Variants in NRXN3 observed in about 807,000 individuals in gnomAD.
The protein encoded by NRXN3 is neurexin III.
Under a neutral mutation model 137.6 loss-of-function variants are expected in NRXN3, and 32 were observed. The ratio of observed to expected loss-of-function variants is 0.23; its 90% CI spans 0.18 to 0.31. NRXN3 has a LOEUF of 0.31. Among genes scored for constraint, NRXN3 ranks in the 10% least tolerant of loss-of-function variants. The probability of loss-of-function intolerance (pLI) is 1.00; values close to 1 mark genes in which losing one functional copy is unlikely to be tolerated. For synonymous variants in NRXN3, 798 were observed against 784.5 expected, an observed-to-expected ratio of 1.02 and a Z score of -0.29; for missense variants, 1,574 against 2,062.5, an observed-to-expected ratio of 0.76 and a Z score of 4.59.
chr14:79,096,845 A>G (rs554611383), intron 15 of NRXN3, among the ~76,000 whole-genome samples: 127 of 152,158 alleles, frequency 8.3e-4, no homozygotes, highest in African/African-American at 3.0e-3. Context: ...TTTTCCAGGT[A>G]TTCTTGATCT....
intron 15 of NRXN3, among the ~76,000 whole-genome samples, chr14:79,205,650 A>G (rs1443592907): frequency 6.6e-6 from 1 of 152,216 alleles, no homozygotes; most frequent in Non-Finnish European, 1.5e-5. Flanking sequence ...GCATAATGGT[A>G]TGGAAATTAT....
chr14:79,297,507 T>C (rs1403542462), intron 15 of NRXN3, among the ~76,000 whole-genome samples: 1 of 152,188 alleles, frequency 6.6e-6, no homozygotes, highest in Non-Finnish European at 1.5e-5. Context: ...GTTTTTTTCT[T>C]CTAGCATAAT....
At chr14:78,827,515 A>G (rs2098970315) in intron 10 of NRXN3, among the ~76,000 whole-genome samples, 1 of 152,232 alleles carries the variant, frequency 6.6e-6, no homozygotes, top group Admixed American at 6.5e-5. Context: ...TCTGCAGAAT[A>G]TTTTGAACGG....
chr14:78,609,885 A>G (rs2097285042), intron 4 of NRXN3, among the ~76,000 whole-genome samples: 1 of 152,168 alleles, frequency 6.6e-6, no homozygotes, highest in East Asian at 1.9e-4. Flanking sequence ...CACAATTTTC[A>G]GGGATCTTGG....
intron 4 of NRXN3, among the ~76,000 whole-genome samples, chr14:78,604,439 A>C (rs181639563): frequency 1.2e-4 from 18 of 152,302 alleles, no homozygotes; most frequent in Non-Finnish European, 2.1e-4. Flanking sequence ...AGAGAGTGAA[A>C]AAAGAACCTC....
rs79745358 is a variant in NRXN3, at chr14:78,564,802, T to C, written c.758-80318T>C. Among the ~76,000 whole-genome samples the C allele has an allele frequency of 4.9e-3, 740 of 152,266 alleles. 20 individuals carry two copies. The East Asian group carries it at 0.093, about 19-fold the overall frequency. ...CAGGCCTACCACAGTACTTGACATA[T>C]GGTGGGGGTCTCAGTCAGTATTCTC... is the stretch of plus-strand genomic sequence containing the variant. On this transcript the variant is annotated intron_variant, in intron 4 of 20. Coordinates refer to ENST00000335750, the MANE Select transcript of NRXN3 (RefSeq NM_001330195.2).
chr14:79,278,744 C>T (rs1203645330), intron 15 of NRXN3, among the ~76,000 whole-genome samples: 1 of 152,202 alleles, frequency 6.6e-6, no homozygotes, highest in Non-Finnish European at 1.5e-5. Context: ...AGCCCTTCAC[C>T]CTTTGGAGTC....
rs1252501895 is a variant in NRXN3 at position 78,889,561 on chromosome 14, G to A, written c.2276-67681G>A. Reference sequence around the variant, plus strand: ...TACTTGCTGTTACAATGTAGACATTGCAATAATGTTCTAAAATTATATGTA... The same window carrying A: ...TACTTGCTGTTACAATGTAGACATTACAATAATGTTCTAAAATTATATGTA... On this transcript the variant is annotated intron_variant, in intron 10 of 20. Coordinates refer to ENST00000335750, the MANE Select transcript of NRXN3 (RefSeq NM_001330195.2). Among the ~76,000 whole-genome samples, 3 of 151,984 alleles carry A rather than the reference G, an allele frequency of 2.0e-5. No individual in the cohort carries two copies. The East Asian group carries it at 5.8e-4, about 29-fold the overall frequency.
In NRXN3 at chr14:79,589,947, C is replaced by T. The variant is rs200847524; in HGVS notation, c.3445-73831C>T. On this transcript the variant is annotated intron_variant, in intron 16 of 20. Coordinates refer to ENST00000335750, the MANE Select transcript of NRXN3 (RefSeq NM_001330195.2). ...GACACAAAACAGAAAATGTAGCACACGATATGTGGCTGGCAGAAACATGAG... is the reference window on the plus strand; with the variant it reads ...GACACAAAACAGAAAATGTAGCACATGATATGTGGCTGGCAGAAACATGAG... Among the ~76,000 whole-genome samples, 174 of 152,276 alleles carry T rather than the reference C, an allele frequency of 1.1e-3. 2 individuals carry two copies. The highest frequency in any genetic ancestry group is 3.7e-3 in the African/African-American group (153 of 41,552).
chr14:79,319,452 T>C (rs769144465), intron 15 of NRXN3, among the ~76,000 whole-genome samples: 1 of 152,220 alleles, frequency 6.6e-6, no homozygotes, highest in Non-Finnish European at 1.5e-5. Context: ...GCTCAGGCTC[T>C]TGGAGAGCTT....
intron 15 of NRXN3, among the ~76,000 whole-genome samples, chr14:79,400,243 T>C (rs1295307095): frequency 1.3e-5 from 2 of 152,222 alleles, no homozygotes; most frequent in Non-Finnish European, 2.9e-5. Flanking sequence ...TCATTTTTGG[T>C]GTTCCATGGC....
In NRXN3 at chr14:78,924,393, G is replaced by A. The variant is rs533126404; in HGVS notation, c.2276-32849G>A. Among the ~76,000 whole-genome samples, 155 of 152,002 alleles carry A rather than the reference G, an allele frequency of 1.0e-3. 1 individual carries two copies. Among genetic ancestry groups the A allele is most frequent in the African/African-American group, 3.7e-3 (154 of 41,292 alleles). ...TAAAATAGATATCATAAGCCCTATTGTATTTTAAATGAAGAAGAGATGATA... is the reference window on the plus strand; with the variant it reads ...TAAAATAGATATCATAAGCCCTATTATATTTTAAATGAAGAAGAGATGATA... On this transcript the variant is annotated intron_variant, in intron 10 of 20. Coordinates refer to ENST00000335750, the MANE Select transcript of NRXN3 (RefSeq NM_001330195.2).
chr14:79,182,368 C>T (rs770623477), intron 15 of NRXN3, among the ~76,000 whole-genome samples: 4 of 151,404 alleles, frequency 2.6e-5, no homozygotes, highest in African/African-American at 9.7e-5. Flanking sequence ...TTGAATGAGT[C>T]GGAGCCCTGA....
intron 16 of NRXN3, among the ~76,000 whole-genome samples, chr14:79,624,730 A>G (rs2098262892): frequency 6.7e-6 from 1 of 150,336 alleles, no homozygotes; most frequent in African/African-American, 2.5e-5. Flanking sequence ...TATGTATTTG[A>G]CTGTTTATTA....
chr14:79,143,650 C>T (rs1181675278), intron 15 of NRXN3, among the ~76,000 whole-genome samples: 1 of 152,232 alleles, frequency 6.6e-6, no homozygotes. Context: ...TGGCTGATTG[C>T]TTTAAGATCT....
chr14:79,523,336 C>G (rs1161300464), intron 16 of NRXN3, among the ~76,000 whole-genome samples: 1 of 152,082 alleles, frequency 6.6e-6, no homozygotes, highest in African/African-American at 2.4e-5. Flanking sequence ...CCTAAAGGAG[C>G]AAAGCTTTAA....
intron 19 of NRXN3, among the ~76,000 whole-genome samples, chr14:79,786,652 T>C (rs2099130257): frequency 1.3e-5 from 2 of 152,076 alleles, no homozygotes; most frequent in Non-Finnish European, 2.9e-5. Flanking sequence ...TTAAATCCTA[T>C]CCCCCTGCAT....
At chr14:79,203,551 A>G (rs777745842) in intron 15 of NRXN3, among the ~76,000 whole-genome samples, 1 of 152,192 alleles carries the variant, frequency 6.6e-6, no homozygotes, top group Non-Finnish European at 1.5e-5. Context: ...TTAATTGCCA[A>G]TTAGCATGTT....
At chr14:78,519,040 C>G (rs571878809) in intron 4 of NRXN3, among the ~76,000 whole-genome samples, 2 of 152,024 alleles carry the variant, frequency 1.3e-5, no homozygotes, top group African/African-American at 4.8e-5. Flanking sequence ...CAGATAGACT[C>G]TAGTATATAA....
Sources: allele counts gnomAD v4.1 joint callset (sites outside exome capture counted in the v4.1 genomes callset), GRCh38; gene constraint gnomAD v4.1.1; transcripts MANE v1.5; gene names NCBI Gene and HGNC (gene_info 2026-07-23, HGNC 2026-07-21).